The following GALNT14 variants were observed in gnomAD, a reference collection of about 807,000 sequenced individuals.
GALNT14 encodes the protein UDP-GalNAc:polypeptide N-acetylgalactosaminyltransferase 14.
In GALNT14, 60 loss-of-function variants were observed where a neutral mutation model predicts 77.5. The observed-to-expected ratio is 0.77, with a 90% CI of 0.63 to 0.96. GALNT14 has a LOEUF of 0.96. Ranked by LOEUF, GALNT14 falls within the 40% of genes least tolerant of loss-of-function variation. GALNT14 has a pLI of 0.00. For missense variants in GALNT14, 710 were observed against 731.0 expected (o/e 0.97, Z 0.33); for synonymous variants, 280 against 281.7 (o/e 0.99, Z 0.06).
chr2:31,138,406 G>GCCGCCGCCA lies in GALNT14; in HGVS notation c.-321_-320insTGGCGGCGG. The GCCGCCGCCA allele has an allele frequency of 2.8e-6, 1 of 360,616 alleles. No homozygotes were observed. The highest frequency in any genetic ancestry group is 5.0e-6 in the Non-Finnish European group (1 of 201,296). 22.3% of individuals were successfully genotyped at this position (360,616 alleles called of 1,614,324 possible). A position where few individuals can be genotyped will look rare whatever the true frequency, so the allele number is the denominator to read the frequency against. ...CGCCACCGCGGCTGCCGCCGCCGCC[G>GCCGCCGCCA]CCGCCGCCTTGCCCGCTGCCGCCGA... On this transcript the variant is annotated 5_prime_UTR_variant, in exon 1 of 15. Transcript: ENST00000349752.
intron 1 of GALNT14, among the ~76,000 whole-genome samples, chr2:31,045,758 T>C (rs1271409820): frequency 3.3e-5 from 5 of 152,142 alleles, no homozygotes. Flanking sequence ...CCACCATGCC[T>C]GGCCTTGATA....
At chr2:31,057,383 T>G (rs1674299143) in intron 1 of GALNT14, among the ~76,000 whole-genome samples, 1 of 144,326 alleles carries the variant, frequency 6.9e-6, no homozygotes, top group East Asian at 2.0e-4. Flanking sequence ...TGTATATATA[T>G]ATATATATAT....
chr2:30,993,114 T>A (rs1424297549), intron 1 of GALNT14, 107 bp from the exon 2 acceptor site: 2 of 1,238,166 alleles, frequency 1.6e-6, no homozygotes, highest in African/African-American at 3.0e-5. Context: ...TCTGGCAAGG[T>A]TTGGCTCAAA....
At chr2:31,035,600 TACACACACACACACACCTAC>T (rs746896038) in intron 1 of GALNT14, among the ~76,000 whole-genome samples, 80 of 49,526 alleles carry the variant, frequency 1.6e-3, no homozygotes, top group African/African-American at 2.9e-3. Context: ...CATATACATA[TACACACACACACACACCTAC>T]ACACACACAC....
chr2:31,104,363 A>G (rs907574338), intron 1 of GALNT14, among the ~76,000 whole-genome samples: 1 of 152,176 alleles, frequency 6.6e-6, no homozygotes, highest in Non-Finnish European at 1.5e-5. Context: ...AGAAACAGAT[A>G]TACATTTTTG....
intron 9 of GALNT14, among the ~76,000 whole-genome samples, chr2:30,933,657 G>C (rs1338637470): frequency 6.6e-6 from 1 of 152,152 alleles, no homozygotes; most frequent in Non-Finnish European, 1.5e-5. Context: ...GTAGACTCAA[G>C]GAGGAAGAGA....
At chr2:30,918,171 C>T (rs1305715240) in intron 13 of GALNT14, among the ~76,000 whole-genome samples, 1 of 152,188 alleles carries the variant, frequency 6.6e-6, no homozygotes, top group African/African-American at 2.4e-5. Context: ...TTATTTCCAG[C>T]CCATTCTGTC....
the GALNT14 span, among the ~76,000 whole-genome samples, chr2:30,902,311 AC>A: frequency 6.6e-6 from 1 of 152,222 alleles, no homozygotes; most frequent in East Asian, 1.9e-4. Flanking sequence ...CATTTGGATA[AC>A]TCTGCACAGT....
At chr2:31,116,164 T>C (rs1212435728) in intron 1 of GALNT14, among the ~76,000 whole-genome samples, 1 of 152,188 alleles carries the variant, frequency 6.6e-6, no homozygotes, top group Non-Finnish European at 1.5e-5. Context: ...ACAGTCAGCA[T>C]AGATGGTATA....
intron 9 of GALNT14, among the ~76,000 whole-genome samples, chr2:30,937,110 G>C (rs558726559): frequency 6.6e-6 from 1 of 152,310 alleles, no homozygotes; most frequent in East Asian, 1.9e-4. Context: ...TCTCAGATGA[G>C]GTCATGTCCC....
intron 9 of GALNT14, among the ~76,000 whole-genome samples, chr2:30,939,391 A>G (rs147271071): frequency 6.6e-6 from 1 of 152,206 alleles, no homozygotes; most frequent in East Asian, 1.9e-4. Context: ...AGGTCCTAAT[A>G]GTGGGTTGGA....
intron 1 of GALNT14, among the ~76,000 whole-genome samples, chr2:31,107,650 C>T (rs942575374): frequency 3.3e-5 from 5 of 152,122 alleles, no homozygotes; most frequent in Admixed American, 6.5e-5. Flanking sequence ...ACATCTCAAA[C>T]GAGTCACCTC....
chr2:30,919,041 G>A lies in GALNT14; in HGVS notation c.1380+5078C>T, dbSNP rs542214238. ...CACCTTGCATGCTCCACAGCCAGTA[G>A]CCCACACACTGGGAGACAGGTAAAA... On this transcript the variant is annotated intron_variant, in intron 13 of 14. Coordinates refer to ENST00000349752, the MANE Select transcript of GALNT14 (RefSeq NM_024572.4). 5.9e-5 allele frequency among the ~76,000 whole-genome samples: 9 copies of A among 152,318 alleles called. No homozygotes were observed. The East Asian group carries it at 1.4e-3, about 23-fold the overall frequency.
intron 2 of GALNT14, among the ~76,000 whole-genome samples, chr2:30,990,331 C>T (rs530871287): frequency 1.3e-5 from 2 of 152,322 alleles, no homozygotes; most frequent in South Asian, 4.1e-4. Flanking sequence ...GCCCCAGGGC[C>T]CTGTCAGCCC....
intron 1 of GALNT14, among the ~76,000 whole-genome samples, chr2:31,035,570 T>C (rs549092674): frequency 7.8e-6 from 1 of 128,262 alleles, no homozygotes; most frequent in East Asian, 2.3e-4. Flanking sequence ...TGTGTGTGTA[T>C]GTGTGTGTGT....
At chr2:31,029,601 G>A (rs1672284561) in intron 1 of GALNT14, among the ~76,000 whole-genome samples, 1 of 152,188 alleles carries the variant, frequency 6.6e-6, no homozygotes, top group Non-Finnish European at 1.5e-5. Context: ...ATGAAAATGA[G>A]CTGTCCTCCG....
chr2:30,992,697 G>T (rs755411179), intron 2 of GALNT14, 141 bp downstream of exon 2: 12 of 986,418 alleles, frequency 1.2e-5, no homozygotes, highest in African/African-American at 3.2e-5. Context: ...CACCAAATCC[G>T]AATCCCTTTA....
intron 2 of GALNT14, among the ~76,000 whole-genome samples, chr2:30,978,971 C>G (rs1464690593): frequency 6.6e-6 from 1 of 152,172 alleles, no homozygotes; most frequent in African/African-American, 2.4e-5. Context: ...CACCCAGACT[C>G]CCAAAACACA....
chr2:31,015,381 C>G (rs1671289626), intron 1 of GALNT14, among the ~76,000 whole-genome samples: 1 of 151,718 alleles, frequency 6.6e-6, no homozygotes, highest in Non-Finnish European at 1.5e-5. Flanking sequence ...CTGCAGGGCA[C>G]CCCAAATCCA....
Sources: allele counts gnomAD v4.1 joint callset (sites outside exome capture counted in the v4.1 genomes callset), GRCh38; gene constraint gnomAD v4.1.1; transcripts MANE v1.5; gene names NCBI Gene and HGNC (gene_info 2026-07-23, HGNC 2026-07-21).